Variants in OR56A3 observed in about 807,000 individuals in gnomAD.
OR56A3 encodes olfactory receptor 56A3.
A neutral mutation model predicts 17.5 loss-of-function variants in OR56A3; 23 were observed. The observed-to-expected ratio is 1.32, with a 90% CI of 0.95 to 1.87. OR56A3 has a LOEUF of 1.87. Among genes scored for constraint, OR56A3 ranks in the 40% most tolerant of loss-of-function variants. The pLI is 0.00. For synonymous variants in OR56A3, 175 were observed against 150.6 expected, an observed-to-expected ratio of 1.16 and a Z score of -1.19; for missense variants, 366 against 380.1, an observed-to-expected ratio of 0.96 and a Z score of 0.31.
At chr11:6,021,832 T>A in the OR56A3 span, 4 of 152,088 alleles carry the variant, frequency 2.6e-5, no homozygotes, top group African/African-American at 9.7e-5. Flanking sequence ...TGTCCCCCTC[T>A]CAGTAAGTAA....
At chr11:6,004,257 C>A in the OR56A3 span, among the ~76,000 whole-genome samples, 1 of 152,002 alleles carries the variant, frequency 6.6e-6, no homozygotes, top group Non-Finnish European at 1.5e-5. Flanking sequence ...GAGGCTGAGA[C>A]AGAATTGCTT....
At chr11:6,002,502 A>G in the OR56A3 span, 2 of 1,614,134 alleles carry the variant, frequency 1.2e-6, no homozygotes, top group Non-Finnish European at 1.7e-6. Flanking sequence ...GGCAGAAAGC[A>G]TGGGAACAGG....
the OR56A3 span, among the ~76,000 whole-genome samples, chr11:5,961,803 T>C: frequency 1.3e-5 from 2 of 152,032 alleles, no homozygotes; most frequent in Non-Finnish European, 2.9e-5. Context: ...TATATAACTT[T>C]GGGTGGTATG....
At chr11:6,004,765 G>C in the OR56A3 span, among the ~76,000 whole-genome samples, 3 of 152,084 alleles carry the variant, frequency 2.0e-5, no homozygotes, top group Non-Finnish European at 4.4e-5. Flanking sequence ...TATCTGTAAA[G>C]CCTTCTCCTT....
At chr11:5,965,852 G>C in the OR56A3 span, among the ~76,000 whole-genome samples, 1 of 152,092 alleles carries the variant, frequency 6.6e-6, no homozygotes, top group African/African-American at 2.4e-5. Flanking sequence ...CAAATGAAAA[G>C]AGTGGTGTTG....
At chr11:5,997,929 G>A in the OR56A3 span, among the ~76,000 whole-genome samples, 1 of 152,124 alleles carries the variant, frequency 6.6e-6, no homozygotes, top group Non-Finnish European at 1.5e-5. Context: ...TTAATGATAA[G>A]AGCATGAAAA....
intron 2 of OR56A3, among the ~76,000 whole-genome samples, chr11:5,945,579 T>TAAAAAAA (rs3082300): frequency 3.5e-5 from 4 of 114,540 alleles, no homozygotes; most frequent in Middle Eastern, 4.5e-3. Context: ...AGACCCCATA[T>TAAAAAAA]AAAAAAAAAA....
chr11:6,010,115 T>C, the OR56A3 span, among the ~76,000 whole-genome samples: 1 of 152,210 alleles, frequency 6.6e-6, no homozygotes, highest in Middle Eastern at 3.2e-3. Context: ...TTCTTTCTCA[T>C]GCTTTTTTAC....
chr11:5,987,243 G>C, the OR56A3 span, among the ~76,000 whole-genome samples: 1 of 152,080 alleles, frequency 6.6e-6, no homozygotes, highest in Non-Finnish European at 1.5e-5. Flanking sequence ...TGGTATTACT[G>C]ACCACTGTGA....
At chr11:5,967,809 A>G in the OR56A3 span, 1 of 1,571,562 alleles carries the variant, frequency 6.4e-7, no homozygotes, top group South Asian at 1.2e-5. Flanking sequence ...CTTAATCCTT[A>G]GCACAGTTTT....
At chr11:5,962,694 G>A in the OR56A3 span, among the ~76,000 whole-genome samples, 17 of 151,906 alleles carry the variant, frequency 1.1e-4, no homozygotes, top group Middle Eastern at 3.4e-3. Context: ...GCCTGCCACC[G>A]CGCCCGGCTA....
chr11:5,961,108 G>A, the OR56A3 span, among the ~76,000 whole-genome samples: 26 of 150,866 alleles, frequency 1.7e-4, no homozygotes, highest in Middle Eastern at 3.6e-3. Flanking sequence ...GCCCGCGCCC[G>A]GCCAGCCGCC....
chr11:6,010,010 A>G, the OR56A3 span, among the ~76,000 whole-genome samples: 1 of 151,866 alleles, frequency 6.6e-6, no homozygotes, highest in Non-Finnish European at 1.5e-5. Flanking sequence ...ATCTTTTGTA[A>G]TTTGTCTTAA....
the OR56A3 span, chr11:5,967,292 TG>T: frequency 2.4e-6 from 1 of 423,642 alleles, no homozygotes; most frequent in East Asian, 3.9e-5. Context: ...CCAGTGATTA[TG>T]GCTTGTCAAT....
chr11:6,015,960 TG>T, the OR56A3 span, among the ~76,000 whole-genome samples: 3 of 152,308 alleles, frequency 2.0e-5, no homozygotes, highest in Non-Finnish European at 4.4e-5. Flanking sequence ...ACATGAGATT[TG>T]CAAGGGGCCA....
chr11:6,014,989 C>CAAAAAAAAAAAAAAAAA, the OR56A3 span, among the ~76,000 whole-genome samples: 49 of 35,200 alleles, frequency 1.4e-3, 9 homozygotes, highest in East Asian at 0.014. Flanking sequence ...TATTCATGGG[C>CAAAAAAAAAAAAAAAAA]AAAAAAAAAA....
the OR56A3 span, among the ~76,000 whole-genome samples, chr11:5,979,795 G>A: frequency 6.6e-6 from 1 of 151,632 alleles, no homozygotes. Context: ...TGGGAAGTTA[G>A]GTTGTTAAAC....
At chr11:5,942,860 T>C (rs974197802) in intron 1 of OR56A3, among the ~76,000 whole-genome samples, 2 of 152,262 alleles carry the variant, frequency 1.3e-5, no homozygotes, top group Non-Finnish European at 2.9e-5. Context: ...GATAGAACCC[T>C]AGCAACTCTT....
the OR56A3 span, chr11:5,967,607 A>G: frequency 6.2e-7 from 1 of 1,613,720 alleles, no homozygotes; most frequent in African/African-American, 1.3e-5. Flanking sequence ...TGGTTCTCAC[A>G]CCATAAACAA....
Sources: gnomAD v4.1 joint callset for allele counts (sites outside exome capture counted in the v4.1 genomes callset) on GRCh38, gnomAD v4.1.1 for gene constraint, MANE v1.5 for transcripts, NCBI Gene and HGNC (gene_info 2026-07-23, HGNC 2026-07-21) for gene names.